The following SPATS2L variants were observed in gnomAD, a reference collection of about 807,000 sequenced individuals.
SPATS2L encodes the protein SPATS2-like protein.
Under a neutral mutation model 59.6 loss-of-function variants are expected in SPATS2L, and 30 were observed. The observed-to-expected ratio is 0.50, with a 90% CI of 0.38 to 0.68. SPATS2L has a LOEUF of 0.68. Among genes scored for constraint, SPATS2L ranks in the 30% least tolerant of loss-of-function variants. The pLI, the probability that SPATS2L is intolerant of heterozygous loss-of-function variation, is 0.00. For missense variants in SPATS2L, 615 were observed against 700.0 expected (o/e 0.88, Z 1.37); for synonymous variants, 252 against 263.5 (o/e 0.96, Z 0.42).
intron 2 of SPATS2L, among the ~76,000 whole-genome samples, chr2:200,337,338 C>G (rs1369845): frequency 0.11 from 16,518 of 152,090 alleles, 957 homozygotes; most frequent in Non-Finnish European, 0.13. Context: ...TAGTTATGTG[C>G]GAAATTAAAG....
At position 200,439,107 on chromosome 2, in the gene SPATS2L, G is replaced by A; in HGVS notation, c.446-15G>A. 6.2e-7 allele frequency: 1 copy of A among 1,600,024 alleles called. No homozygotes were observed. Among genetic ancestry groups the A allele is most frequent in the Non-Finnish European group, 8.6e-7 (1 of 1,167,650 alleles). On this transcript the variant is annotated splice_polypyrimidine_tract_variant and intron_variant, in intron 6 of 12. Transcript: ENST00000409140. ...GTTTATCACTTCACAGTCATTATTT[G>A]GTGTTTTCTTACAGAAGGCAACAGA...
At position 200,360,560 on chromosome 2, in the gene SPATS2L, G is replaced by A. The variant is rs375406077; in HGVS notation, c.-22-28663G>A. On this transcript the variant is annotated intron_variant, in intron 2 of 12. Transcript: ENST00000409140. ...CGGCAGGCAGAAGGATCCTATCGGAGTGGGGAGAGGAAGGGGGGTTACCCT... is the reference window on the plus strand; with the variant it reads ...CGGCAGGCAGAAGGATCCTATCGGAATGGGGAGAGGAAGGGGGGTTACCCT... Among the ~76,000 whole-genome samples the A allele has an allele frequency of 1.2e-4, 18 of 152,336 alleles. No individual in the cohort carries two copies. The East Asian group carries it at 3.3e-3, about 28-fold the overall frequency.
chr2:200,357,231 T>C (rs2080945851), intron 2 of SPATS2L, among the ~76,000 whole-genome samples: 1 of 152,190 alleles, frequency 6.6e-6, no homozygotes, highest in African/African-American at 2.4e-5. Context: ...TGTTTTCCCT[T>C]CTAAACTGCT....
intron 8 of SPATS2L, among the ~76,000 whole-genome samples, chr2:200,447,303 T>G (rs2085113186): frequency 1.3e-5 from 2 of 152,352 alleles, no homozygotes; most frequent in Admixed American, 1.3e-4. Flanking sequence ...CCAACTACTC[T>G]GATGCCAGTG....
chr2:200,328,990 T>C (rs1052609956), intron 1 of SPATS2L, among the ~76,000 whole-genome samples: 2 of 152,202 alleles, frequency 1.3e-5, no homozygotes, highest in African/African-American at 4.8e-5. Context: ...TTGACCTCTC[T>C]GGTGCCTCAT....
chr2:200,444,237 G>A (rs1246660586), intron 8 of SPATS2L, among the ~76,000 whole-genome samples: 1 of 152,152 alleles, frequency 6.6e-6, no homozygotes, highest in Non-Finnish European at 1.5e-5. Flanking sequence ...ATGCAGACTA[G>A]TCTAGCTTCT....
At chr2:200,309,652 A>G (rs1398986340) in intron 1 of SPATS2L, among the ~76,000 whole-genome samples, 1 of 152,216 alleles carries the variant, frequency 6.6e-6, no homozygotes, top group African/African-American at 2.4e-5. Flanking sequence ...ACATTCAACT[A>G]ATCCATTTCA....
intron 2 of SPATS2L, among the ~76,000 whole-genome samples, chr2:200,360,704 C>T (rs898493476): frequency 6.6e-6 from 1 of 152,190 alleles, no homozygotes; most frequent in Non-Finnish European, 1.5e-5. Flanking sequence ...AAATAAGCTA[C>T]TGTTATTTTG....
At chr2:200,368,591 T>C (rs1161464207) in intron 2 of SPATS2L, among the ~76,000 whole-genome samples, 1 of 152,210 alleles carries the variant, frequency 6.6e-6, no homozygotes, top group Non-Finnish European at 1.5e-5. Context: ...GATAAATACA[T>C]GTTGAGTGTC....
At chr2:200,332,203 G>C (rs896014176) in intron 2 of SPATS2L, among the ~76,000 whole-genome samples, 3 of 151,874 alleles carry the variant, frequency 2.0e-5, no homozygotes, top group Non-Finnish European at 4.4e-5. Flanking sequence ...GAAAGAGAGA[G>C]ATTTGGAAGA....
chr2:200,338,242 A>G (rs922540670), intron 2 of SPATS2L, among the ~76,000 whole-genome samples: 13 of 152,052 alleles, frequency 8.5e-5, no homozygotes, highest in Non-Finnish European at 1.5e-4. Flanking sequence ...CCAGGCTGGT[A>G]TTGAACTCGT....
chr2:200,321,302 C>T (rs952778655), intron 1 of SPATS2L, among the ~76,000 whole-genome samples: 14 of 152,172 alleles, frequency 9.2e-5, no homozygotes, highest in African/African-American at 3.4e-4. Flanking sequence ...ATACAACTTA[C>T]GTAGTGACTA....
chr2:200,397,056 G>A (rs1189194790), intron 3 of SPATS2L, among the ~76,000 whole-genome samples: 6 of 152,196 alleles, frequency 3.9e-5, no homozygotes, highest in African/African-American at 1.4e-4. Flanking sequence ...CAGGGGATAA[G>A]AAGAAATTTA....
intron 2 of SPATS2L, among the ~76,000 whole-genome samples, chr2:200,336,200 C>T (rs1219209999): frequency 6.6e-6 from 1 of 152,120 alleles, no homozygotes; most frequent in Non-Finnish European, 1.5e-5. Flanking sequence ...ACCACTGAAT[C>T]AAATCTGGCA....
intron 1 of SPATS2L, among the ~76,000 whole-genome samples, chr2:200,326,089 G>A (rs1198684111): frequency 6.6e-6 from 1 of 152,236 alleles, no homozygotes; most frequent in African/African-American, 2.4e-5. Context: ...TAGAAAGGGT[G>A]TAGTCTGAGG....
At chr2:200,440,886 C>T in intron 8 of SPATS2L, 102 bp downstream of exon 8, 1 of 1,316,410 alleles carries the variant, frequency 7.6e-7, no homozygotes, top group Non-Finnish European at 1.0e-6. Flanking sequence ...ACATAAACAT[C>T]ACAGAATAAC....
At chr2:200,473,968 T>G (rs1387604317) in intron 12 of SPATS2L, among the ~76,000 whole-genome samples, 3 of 151,768 alleles carry the variant, frequency 2.0e-5, no homozygotes, top group African/African-American at 7.3e-5. Context: ...CCACTGCCCT[T>G]CAGCCTGGGC....
At chr2:200,469,842 G>T in intron 10 of SPATS2L, 72 bp from the exon 11 acceptor site, 1 of 1,151,448 alleles carries the variant, frequency 8.7e-7, no homozygotes, top group South Asian at 1.4e-5. Flanking sequence ...AGAGCAGAGT[G>T]AACGCATCCA....
At chr2:200,447,815 T>C (rs2085149180) in intron 8 of SPATS2L, among the ~76,000 whole-genome samples, 1 of 152,222 alleles carries the variant, frequency 6.6e-6, no homozygotes, top group Non-Finnish European at 1.5e-5. Context: ...TTCAGCCACT[T>C]AGCATTGTTA....
Sources: gnomAD v4.1 joint callset for allele counts (sites outside exome capture counted in the v4.1 genomes callset) on GRCh38, gnomAD v4.1.1 for gene constraint, MANE v1.5 for transcripts, NCBI Gene and HGNC (gene_info 2026-07-23, HGNC 2026-07-21) for gene names.